Variants in MTA1 observed in about 807,000 individuals in gnomAD.
The protein encoded by MTA1 is metastasis associated 1.
In MTA1, 15 loss-of-function variants were observed where a neutral mutation model predicts 97.0. That is an observed-to-expected ratio of 0.15 (90% CI 0.10 to 0.24). The LOEUF (loss-of-function observed/expected upper bound fraction) is 0.24. Ranked by LOEUF, MTA1 falls within the 10% of genes least tolerant of loss-of-function variation. The probability of loss-of-function intolerance (pLI) is 1.00; values close to 1 mark genes in which losing one functional copy is unlikely to be tolerated. For synonymous variants in MTA1, 435 were observed against 417.5 expected (o/e 1.04, Z -0.51); for missense variants, 709 against 1,015.1 (o/e 0.70, Z 4.10).
rs1171371694 is a variant in MTA1, at chr14:105,458,362, G to C, written c.643G>C (p.Val215Leu). Residue 215 changes from valine (V) to leucine (L), a missense_variant, in exon 8 of 21, where the codon GTG (valine) becomes CTG (leucine). Val to Leu is a conservative substitution (Grantham distance 32). Around this residue, in one of 2 missense-constraint regions of MTA1, gnomAD observed 321 missense variants for 593.5 expected, o/e 0.54. Coordinates refer to ENST00000331320, the MANE Select transcript of MTA1 (RefSeq NM_004689.4). ...AGACAAGCAGATCGACCAGTTCCTG[G>C]TGGTGGCCCGGTGAGTCCTGCTCCT... The part of the protein sequence containing the change: ...LTDKQIDQFL[V>L]VARSVGTFAR... The C allele has an allele frequency of 1.2e-6, 2 of 1,612,572 alleles. No homozygotes were observed. The highest frequency in any genetic ancestry group is 1.7e-6 in the Non-Finnish European group (2 of 1,179,932).
At chr14:105,442,356 C>T (rs782120788) in intron 2 of MTA1, among the ~76,000 whole-genome samples, 24 of 152,188 alleles carry the variant, frequency 1.6e-4, no homozygotes, top group Non-Finnish European at 2.9e-5. Flanking sequence ...ACGAGGGAGG[C>T]GCAGGTTCCT....
chr14:105,453,937 C>T (rs2141605048), intron 6 of MTA1, among the ~76,000 whole-genome samples: 1 of 152,360 alleles, frequency 6.6e-6, no homozygotes, highest in South Asian at 2.1e-4. Context: ...TCTGCTGACC[C>T]TCGGCATGTC....
At chr14:105,460,201 C>T (rs1317529662) in intron 8 of MTA1, among the ~76,000 whole-genome samples, 157 bp from the exon 9 acceptor site, 9 of 146,994 alleles carry the variant, frequency 6.1e-5, no homozygotes, top group African/African-American at 2.3e-4. Context: ...GAAGTCCGTG[C>T]TGCCCATGGC....
chr14:105,460,864 A>T lies in MTA1; in HGVS notation c.853A>T (p.Met285Leu), dbSNP rs1312574617. 2 of 1,612,704 alleles carry T rather than the reference A, an allele frequency of 1.2e-6. No individual in the cohort carries two copies. Among genetic ancestry groups the T allele is most frequent in the African/African-American group, 2.7e-5 (2 of 74,918 alleles). The change falls in exon 10 of 21, where the codon ATG (methionine) becomes TTG (leucine). Residue 285 changes from methionine (M) to leucine (L), a missense_variant. By Grantham distance (15) the Met-to-Leu change is conservative. Around this residue, in one of 2 missense-constraint regions of MTA1, gnomAD observed 321 missense variants for 593.5 expected, o/e 0.54. Coordinates refer to ENST00000331320, the MANE Select transcript of MTA1 (RefSeq NM_004689.4). Reference sequence around the variant, plus strand: ...CGGGCCCGTGCTCTGCAGGGACGAGATGGAGGAGTGGTCTGCATCAGAGGC... The same window carrying T: ...CGGGCCCGTGCTCTGCAGGGACGAGTTGGAGGAGTGGTCTGCATCAGAGGC... ...QGGPVLCRDE[M>L]EEWSASEANL...
intron 2 of MTA1, among the ~76,000 whole-genome samples, chr14:105,443,308 G>T (rs781855159): frequency 1.3e-5 from 2 of 152,286 alleles, no homozygotes; most frequent in East Asian, 3.9e-4. Flanking sequence ...TTCCACCCTC[G>T]AGAACGCCCG....
chr14:105,464,573 G>T lies in MTA1; in HGVS notation c.1344+6G>T, dbSNP rs192790749. 4.1e-4 allele frequency: 661 copies of T among 1,612,608 alleles called. 3 individuals carry two copies. Among genetic ancestry groups the T allele is most frequent in the African/African-American group, 3.9e-3 (293 of 75,020 alleles). ...GACCAAACCGCAGTAACATGGTAAGGGGGGGGACACCCGCCCTGCCTGCCA... is the reference window on the plus strand; with the variant it reads ...GACCAAACCGCAGTAACATGGTAAGTGGGGGGACACCCGCCCTGCCTGCCA... On this transcript the variant is annotated splice_donor_region_variant and intron_variant, in intron 14 of 20. Coordinates refer to ENST00000331320, the MANE Select transcript of MTA1 (RefSeq NM_004689.4).
At chr14:105,451,513 G>T (rs2082928212) in intron 6 of MTA1, among the ~76,000 whole-genome samples, 1 of 152,236 alleles carries the variant, frequency 6.6e-6, no homozygotes, top group Non-Finnish European at 1.5e-5. Context: ...TCGCTGTGAA[G>T]GCTTCCACTC....
chr14:105,447,845 C>A (rs1449823513), intron 3 of MTA1, among the ~76,000 whole-genome samples: 1 of 152,156 alleles, frequency 6.6e-6, no homozygotes, highest in Non-Finnish European at 1.5e-5. Context: ...TGTCAATCTC[C>A]GTTTCTCCTG....
In MTA1 at chr14:105,420,003, G is replaced by A. The variant is rs1444620615; in HGVS notation, c.-33G>A. The A allele has an allele frequency of 8.6e-5, 86 of 996,194 alleles. No homozygotes were observed. Among genetic ancestry groups the A allele is most frequent in the Middle Eastern group, 5.0e-4 (1 of 2,006 alleles). The allele number at this position is 996,194 out of a possible 1,614,324, so 61.7% of individuals were successfully genotyped here. On this transcript the variant is annotated 5_prime_UTR_variant, in exon 1 of 21. Coordinates refer to ENST00000331320, the MANE Select transcript of MTA1 (RefSeq NM_004689.4). The surrounding 1 kb of genome is among the most constrained non-coding windows in gnomAD (Gnocchi z 5.3). ...GCCGCCCGCGCCGAGCGCCGCGCCC[G>A]CCCCGGGCCCCTCCGCCGCCGCCGG...
At chr14:105,435,799 T>A (rs1429109955) in intron 1 of MTA1, among the ~76,000 whole-genome samples, 1 of 152,234 alleles carries the variant, frequency 6.6e-6, no homozygotes, top group African/African-American at 2.4e-5. Context: ...TCATTTCATT[T>A]AAGTTGTCAA....
intron 17 of MTA1, 39 bp from the exon 18 acceptor site, chr14:105,466,668 G>T (rs782461763): frequency 1.2e-6 from 2 of 1,603,090 alleles, no homozygotes; most frequent in Non-Finnish European, 1.7e-6. Context: ...GCGTGCTGAC[G>T]CTGTCTTCTC....
At chr14:105,426,112 G>T (rs980644364) in intron 1 of MTA1, among the ~76,000 whole-genome samples, 1 of 152,142 alleles carries the variant, frequency 6.6e-6, no homozygotes, top group Non-Finnish European at 1.5e-5. Context: ...CAGGGCCTGA[G>T]CTCTGTGGGT....
rs1483844318 is a variant in MTA1, at chr14:105,420,651, T to C, written c.28+588T>C. 1.3e-5 allele frequency among the ~76,000 whole-genome samples: 2 copies of C among 152,118 alleles called. No individual in the cohort carries two copies. The highest frequency in any genetic ancestry group is 2.9e-5 in the Non-Finnish European group (2 of 68,002). The stretch of plus-strand genomic sequence containing the variant: ...CACGCCTCTAAGTCCCCCCAAACTT[T>C]TCCCTGCCTCTCGCTCACCTCAGCC... On this transcript the variant is annotated intron_variant, in intron 1 of 20. Coordinates refer to ENST00000331320, the MANE Select transcript of MTA1 (RefSeq NM_004689.4). The surrounding 1 kb of genome is among the most constrained non-coding windows in gnomAD (Gnocchi z 5.3).
rs1226469193 is a variant in MTA1 at position 105,455,078 on chromosome 14, GTA to G, written c.550+770_550+771del. ...ACCACCACACCCCCCTAGTTTTTTT[GTA>G]TTTTTATTAGAGACAGGGTTTCGCC... is the stretch of plus-strand genomic sequence containing the variant. On this transcript the variant is annotated intron_variant, in intron 7 of 20. Coordinates refer to ENST00000331320, the MANE Select transcript of MTA1 (RefSeq NM_004689.4). Among the ~76,000 whole-genome samples the G allele has an allele frequency of 3.3e-5, 5 of 151,884 alleles. No homozygotes were observed. The East Asian group carries it at 9.7e-4, about 29-fold the overall frequency.
At chr14:105,443,221 G>A (rs1181165989) in intron 2 of MTA1, among the ~76,000 whole-genome samples, 2 of 152,284 alleles carry the variant, frequency 1.3e-5, no homozygotes, top group East Asian at 3.9e-4. Context: ...GAGCATGGTG[G>A]TCCCTGGGTT....
intron 8 of MTA1, among the ~76,000 whole-genome samples, chr14:105,459,543 C>G (rs369363646): frequency 0.027 from 10 of 370 alleles, no homozygotes; most frequent in Admixed American, 0.056. Flanking sequence ...TGCCTGGGGG[C>G]AGTCCGTGCT....
rs1555431535 is a variant in MTA1 at position 105,463,459 on chromosome 14, C to A, written c.1018-34C>A. Reference sequence around the variant, plus strand: ...CACTGCAGCCCCAACCTGGGCCTAGCCTGCTGACCTCTGACCTTCTCTTTT... The same window carrying A: ...CACTGCAGCCCCAACCTGGGCCTAGACTGCTGACCTCTGACCTTCTCTTTT... On this transcript the variant is annotated intron_variant, in intron 11 of 20. Transcript: ENST00000331320. This position sits in a 1 kb window ranked among gnomAD's most constrained non-coding sequence, Gnocchi z 5.9. The A allele has an allele frequency of 6.2e-7, 1 of 1,611,458 alleles. No homozygotes were observed. Among genetic ancestry groups the A allele is most frequent in the East Asian group, 2.2e-5 (1 of 44,864 alleles).
chr14:105,447,841 T>C (rs1467209099), intron 3 of MTA1, among the ~76,000 whole-genome samples: 7 of 152,108 alleles, frequency 4.6e-5, no homozygotes, highest in African/African-American at 1.7e-4. Context: ...GTTGTGTCAA[T>C]CTCCGTTTCT....
intron 7 of MTA1, chr14:105,454,512 GTGT>G: frequency 2.0e-6 from 1 of 510,342 alleles, no homozygotes; most frequent in Admixed American, 3.2e-5. Flanking sequence ...ACTCCTGGTG[GTGT>G]TGGGGTTCTG....
Sources: allele counts gnomAD v4.1 joint callset (sites outside exome capture counted in the v4.1 genomes callset), GRCh38; gene constraint gnomAD v4.1.1; regional missense constraint gnomAD v4.1.1; non-coding constraint Gnocchi (gnomAD v3.1); transcripts MANE v1.5; gene names NCBI Gene and HGNC (gene_info 2026-07-23, HGNC 2026-07-21).